UIMC1: variants seen among roughly 807,000 people sequenced by gnomAD.
UIMC1 encodes the protein ubiquitin interaction motif containing 1.
Under a neutral mutation model 84.9 loss-of-function variants are expected in UIMC1, and 42 were observed. The observed-to-expected ratio is 0.49, with a 90% CI of 0.39 to 0.64. UIMC1 has a LOEUF of 0.64. UIMC1 is among the 30% of genes least tolerant of loss of function. The pLI is 0.00. For synonymous variants in UIMC1, 281 were observed against 293.0 expected (o/e 0.96, Z 0.42); for missense variants, 825 against 847.6 (o/e 0.97, Z 0.33).
chr5:176,928,031 A>G (rs760102523), intron 10 of UIMC1, among the ~76,000 whole-genome samples: 1 of 151,942 alleles, frequency 6.6e-6, no homozygotes, highest in Non-Finnish European at 1.5e-5. Flanking sequence ...TTTAGTAGAG[A>G]TAGGGTTTCA....
intron 10 of UIMC1, among the ~76,000 whole-genome samples, chr5:176,929,324 G>A (rs1303083685): frequency 2.0e-5 from 3 of 151,802 alleles, no homozygotes; most frequent in Admixed American, 1.3e-4. Context: ...AGCACTTTGG[G>A]AGGCTGAGGT....
rs778418496 is a variant in UIMC1, at chr5:176,966,851, C to G, written c.1200+1704G>C. 1.4e-4 allele frequency among the ~76,000 whole-genome samples: 21 copies of G among 152,032 alleles called. 1 individual carries two copies. The highest frequency in any genetic ancestry group is 2.2e-4 in the Non-Finnish European group (15 of 68,008). Reference sequence around the variant, plus strand: ...CTACTATATAAAGTGTATCCACAAACCAATAGATTATCAAAAGAAAAAATG... The same window carrying G: ...CTACTATATAAAGTGTATCCACAAAGCAATAGATTATCAAAAGAAAAAATG... On this transcript the variant is annotated intron_variant, in intron 6 of 14. Transcript: ENST00000511320.
At chr5:176,921,737 C>T (rs1475108885) in intron 10 of UIMC1, among the ~76,000 whole-genome samples, 2 of 152,196 alleles carry the variant, frequency 1.3e-5, no homozygotes, top group African/African-American at 4.8e-5. Context: ...AATGCAACAG[C>T]CACTCCCCTC....
Position 176,905,275 on chromosome 5 carries a change from T to C in UIMC1, c.*7A>G, listed in dbSNP as rs1759197990. The C allele has an allele frequency of 6.2e-7, 1 of 1,613,606 alleles. No homozygotes were observed. The highest frequency in any genetic ancestry group is 1.1e-5 in the South Asian group (1 of 91,024). On this transcript the variant is annotated 3_prime_UTR_variant, in exon 15 of 15. Coordinates refer to ENST00000511320, the MANE Select transcript of UIMC1 (RefSeq NM_001199298.2). ...AATGGTTTTGTCAACTTTTGGACCC[T>C]AGAAATTCAGAATTTTCTCCTTCTT...
intron 10 of UIMC1, among the ~76,000 whole-genome samples, chr5:176,915,771 T>C (rs984156092): frequency 1.0e-5 from 1 of 97,896 alleles, no homozygotes; most frequent in Admixed American, 1.6e-4. Context: ...AAGTATTAAG[T>C]AACCTGATCA....
At chr5:177,022,495 C>T (rs979437797) in exon 1 of UIMC1, 7 of 490,284 alleles carry the variant, frequency 1.4e-5, no homozygotes, top group Non-Finnish European at 2.5e-5. Context: ...GAGCCAAAAC[C>T]ACACGAGCCT....
chr5:176,993,150 C>T (rs1023695349), intron 1 of UIMC1, among the ~76,000 whole-genome samples: 1 of 147,332 alleles, frequency 6.8e-6, no homozygotes, highest in Non-Finnish European at 1.5e-5. Flanking sequence ...CACTGCACTC[C>T]AGCCTGGGCA....
intron 12 of UIMC1, among the ~76,000 whole-genome samples, chr5:176,908,121 C>T (rs186188612): frequency 1.6e-4 from 24 of 151,686 alleles, no homozygotes; most frequent in African/African-American, 5.6e-4. Context: ...ACACATAGTA[C>T]TAGATATATA....
At chr5:177,003,409 C>A (rs2149544319) in intron 1 of UIMC1, among the ~76,000 whole-genome samples, 1 of 152,278 alleles carries the variant, frequency 6.6e-6, no homozygotes, top group South Asian at 2.1e-4. Context: ...AATCCCAGCA[C>A]TCTGGGAGGC....
chr5:176,948,842 AG>A (rs1056846267), intron 9 of UIMC1, among the ~76,000 whole-genome samples: 5 of 152,198 alleles, frequency 3.3e-5, no homozygotes, highest in Admixed American at 3.3e-4. Context: ...AAGAAATTTT[AG>A]GACAAATGAC....
At chr5:177,002,791 G>C (rs571955402) in intron 1 of UIMC1, among the ~76,000 whole-genome samples, 2 of 151,684 alleles carry the variant, frequency 1.3e-5, no homozygotes, top group African/African-American at 4.9e-5. Flanking sequence ...ACGAGACTCT[G>C]TCTCAAAAAT....
chr5:177,011,771 C>T (rs1024651704), upstream of UIMC1, among the ~76,000 whole-genome samples: 7 of 151,632 alleles, frequency 4.6e-5, no homozygotes, highest in Admixed American at 1.3e-4. Flanking sequence ...CGGCTGGAGC[C>T]GTGGCAGAGG....
chr5:176,971,240 G>A (rs1050519578), intron 3 of UIMC1, among the ~76,000 whole-genome samples: 1 of 152,186 alleles, frequency 6.6e-6, no homozygotes, highest in Non-Finnish European at 1.5e-5. Context: ...ATACCGCAAC[G>A]CTTTATGCTC....
intron 3 of UIMC1, 124 bp from the exon 4 acceptor site, chr5:176,970,990 T>C (rs1561852089): frequency 7.8e-7 from 1 of 1,287,612 alleles, no homozygotes; most frequent in Non-Finnish European, 1.0e-6. Context: ...TACAATTTTA[T>C]AATCTTGTAA....
At chr5:176,985,070 AC>A (rs1165892043) in intron 1 of UIMC1, among the ~76,000 whole-genome samples, 1 of 152,170 alleles carries the variant, frequency 6.6e-6, no homozygotes, top group African/African-American at 2.4e-5. Flanking sequence ...TCTCCAAGAA[AC>A]ACCCAAGAAT....
At chr5:176,978,079 C>T (rs189613152) in intron 2 of UIMC1, among the ~76,000 whole-genome samples, 1 of 151,836 alleles carries the variant, frequency 6.6e-6, no homozygotes, top group Admixed American at 6.6e-5. Flanking sequence ...CATATTAAAA[C>T]TCAGTTGGTA....
chr5:176,909,249 G>A (rs993422027), intron 11 of UIMC1, among the ~76,000 whole-genome samples: 1 of 152,162 alleles, frequency 6.6e-6, no homozygotes, highest in Non-Finnish European at 1.5e-5. Flanking sequence ...AATTTTATAT[G>A]CATAGCTATC....
chr5:176,944,166 A>G (rs975567950), intron 9 of UIMC1, among the ~76,000 whole-genome samples: 14 of 151,474 alleles, frequency 9.2e-5, no homozygotes, highest in African/African-American at 2.9e-4. Flanking sequence ...AGTTAAGAAC[A>G]TAAGTCTGTA....
At chr5:176,974,704 C>A (rs528168975) in intron 3 of UIMC1, among the ~76,000 whole-genome samples, 1 of 151,858 alleles carries the variant, frequency 6.6e-6, no homozygotes, top group East Asian at 1.9e-4. Flanking sequence ...CCCATATACT[C>A]AGGAGGCTGA....
Sources: gnomAD v4.1 joint callset for allele counts (sites outside exome capture counted in the v4.1 genomes callset) on GRCh38, gnomAD v4.1.1 for gene constraint, MANE v1.5 for transcripts, NCBI Gene and HGNC (gene_info 2026-07-23, HGNC 2026-07-21) for gene names.